The following HEATR9 variants were observed in gnomAD, a reference collection of about 807,000 sequenced individuals.
HEATR9 encodes protein HEATR9.
In HEATR9, 54 loss-of-function variants were observed where a neutral mutation model predicts 68.2. The observed-to-expected ratio is 0.79, with a 90% confidence interval of 0.64 to 0.99. HEATR9 has a LOEUF of 0.99. Ranked by LOEUF, HEATR9 falls within the 50% of genes least tolerant of loss-of-function variation. The pLI is 0.00. For missense variants in HEATR9, 662 were observed against 679.7 expected (o/e 0.97, Z 0.29); for synonymous variants, 241 against 253.5 (o/e 0.95, Z 0.47).
rs1229021981 is a variant in HEATR9, at chr17:35,858,817, G to A, written c.939+71C>T. Reference sequence around the variant, plus strand: ...GCAGTGCTCCACCACCAGGATGGCAGGATCCAGACCACACACAATTCAGCA... The same window carrying A: ...GCAGTGCTCCACCACCAGGATGGCAAGATCCAGACCACACACAATTCAGCA... On this transcript the variant is annotated intron_variant, in intron 9 of 14. Coordinates refer to ENST00000604834, the MANE Select transcript of HEATR9 (RefSeq NM_152781.4). 6 of 1,537,326 alleles carry A rather than the reference G, an allele frequency of 3.9e-6. No homozygotes were observed. In the Admixed American group the frequency reaches 8.7e-5, roughly 22 times the overall value.
At chr17:35,855,434 T>G (rs918148167) in intron 14 of HEATR9, 24 bp from the exon 15 acceptor site, 1 of 1,596,158 alleles carries the variant, frequency 6.3e-7, no homozygotes, top group Non-Finnish European at 8.6e-7. Flanking sequence ...AAGGTCCTAG[T>G]GCTGGCTCAC....
chr17:35,860,570 A>G (rs1340273203), intron 8 of HEATR9, among the ~76,000 whole-genome samples: 1 of 147,920 alleles, frequency 6.8e-6, no homozygotes, highest in Non-Finnish European at 1.5e-5. Context: ...GCTCACTGCA[A>G]GCTCCGTCTC....
intron 4 of HEATR9, 22 bp downstream of exon 4, chr17:35,864,736 T>C (rs1315635607): frequency 6.2e-7 from 1 of 1,613,526 alleles, no homozygotes; most frequent in Non-Finnish European, 8.5e-7. Context: ...GTCCCCCACG[T>C]CCTCTCCCAC....
intron 8 of HEATR9, among the ~76,000 whole-genome samples, chr17:35,860,594 A>G (rs937743080): frequency 6.7e-6 from 1 of 148,470 alleles, no homozygotes; most frequent in African/African-American, 2.5e-5. Context: ...GTTTCACGCC[A>G]TTCTCCTGCC....
rs978729646 is a variant in HEATR9, at chr17:35,865,403, G to T, written c.139-7C>A. On this transcript the variant is annotated splice_polypyrimidine_tract_variant and splice_region_variant and intron_variant, in intron 2 of 14. Coordinates refer to ENST00000604834, the MANE Select transcript of HEATR9 (RefSeq NM_152781.4). The stretch of plus-strand genomic sequence containing the variant: ...GAAACTCTTCCTTTGGCATCTGGGG[G>T]TTGCAAGTGGCAGAACAGTCAGAGG... 1 of 1,611,606 alleles carries T rather than the reference G, an allele frequency of 6.2e-7. No individual in the cohort carries two copies. The highest frequency in any genetic ancestry group is 1.9e-4 in the Middle Eastern group (1 of 5,168).
chr17:35,859,261 A>G (rs559633953), intron 8 of HEATR9, among the ~76,000 whole-genome samples, 191 bp from the exon 9 acceptor site: 1 of 152,278 alleles, frequency 6.6e-6, no homozygotes, highest in East Asian at 1.9e-4. Flanking sequence ...TATCTCATGG[A>G]TGGATCACTG....
chr17:35,865,375 G>A lies in HEATR9; in HGVS notation c.160C>T (p.Pro54Ser), dbSNP rs745335420. ...CYQMPKEEFPPSPECWRQHPS... is the reference protein window; with the variant it reads ...CYQMPKEEFPSSPECWRQHPS... ...TGCTGCCTCCAGCACTCTGGACTTG[G>A]GGGAAACTCTTCCTTTGGCATCTGG... The change falls in exon 3 of 15, where the codon CCA becomes TCA. Residue 54 changes from proline to serine, a missense_variant. Pro to Ser is a moderately conservative substitution (Grantham distance 74). Transcript: ENST00000604834. 1 of 1,613,536 alleles carries A rather than the reference G, an allele frequency of 6.2e-7. No homozygotes were observed. The highest frequency in any genetic ancestry group is 8.5e-7 in the Non-Finnish European group (1 of 1,179,954).
At chr17:35,855,587 A>G (rs2143867953) in intron 14 of HEATR9, 77 bp downstream of exon 14, 1 of 1,433,380 alleles carries the variant, frequency 7.0e-7, no homozygotes, top group Non-Finnish European at 9.8e-7. Context: ...CAAGGAGCAA[A>G]TGGTGGTGAG....
intron 1 of HEATR9, among the ~76,000 whole-genome samples, chr17:35,867,943 G>T (rs1055747973): frequency 6.6e-6 from 1 of 152,076 alleles, no homozygotes; most frequent in African/African-American, 2.4e-5. Context: ...ACCACACCCA[G>T]CTAATTTTTG....
rs2088289650 is a variant in HEATR9 at position 35,868,515 on chromosome 17, C to T, written c.88+140G>A. 4.1e-6 allele frequency: 6 copies of T among 1,451,586 alleles called. No homozygotes were observed. The South Asian group carries it at 8.5e-5, about 20-fold the overall frequency. 89.9% of individuals were successfully genotyped at this position (1,451,586 alleles called of 1,614,324 possible). ...GACCTTGAGGACTGTGCAGAGCCAT[C>T]AAAGTGTCCAAGGGCCTGCCCTGAT... On this transcript the variant is annotated intron_variant, in intron 1 of 14. Coordinates refer to ENST00000604834, the MANE Select transcript of HEATR9 (RefSeq NM_152781.4).
At chr17:35,856,325 GATGCTAATTTC>G in intron 12 of HEATR9, 101 bp from the exon 13 acceptor site, 1 of 1,613,276 alleles carries the variant, frequency 6.2e-7, no homozygotes, top group Non-Finnish European at 8.5e-7. Flanking sequence ...TAGGCAAAGT[GATGCTAATTTC>G]ATTCATTTCC....
chr17:35,862,142 G>A (rs561932040), intron 8 of HEATR9, among the ~76,000 whole-genome samples: 3 of 152,090 alleles, frequency 2.0e-5, no homozygotes, highest in Non-Finnish European at 2.9e-5. Flanking sequence ...GCCTCTCAAC[G>A]TGCTGGGATT....
intron 3 of HEATR9, 31 bp downstream of exon 3, chr17:35,865,184 T>G: frequency 1.3e-6 from 2 of 1,599,032 alleles, no homozygotes; most frequent in Non-Finnish European, 8.5e-7. Context: ...ATGTGGAGGG[T>G]GAGAAGAATA....
chr17:35,861,529 A>G (rs2087993005), intron 8 of HEATR9: 2 of 914,214 alleles, frequency 2.2e-6, no homozygotes, highest in Non-Finnish European at 1.8e-6. Context: ...GCTGGGGTAG[A>G]TGGGCCTCGA....
chr17:35,864,601 G>T lies in HEATR9; in HGVS notation c.454-48C>A, dbSNP rs145185245. 1,000 of 1,595,336 alleles carry T rather than the reference G, an allele frequency of 6.3e-4. 25 individuals carry two copies. In the East Asian group the frequency reaches 0.02, roughly 32 times the overall value. ...GGAAAGGAAGACAGAGAAAAATAAA[G>T]AATTTCAAACTAAAGGGAGCTCATC... On this transcript the variant is annotated intron_variant, in intron 4 of 14. Coordinates refer to ENST00000604834, the MANE Select transcript of HEATR9 (RefSeq NM_152781.4).
At chr17:35,863,186 A>T (rs2088060279) in intron 7 of HEATR9, 61 bp from the exon 8 acceptor site, 12 of 1,603,412 alleles carry the variant, frequency 7.5e-6, no homozygotes, top group Non-Finnish European at 1.0e-5. Context: ...CTCTGCAAGG[A>T]CCCATTGAAC....
chr17:35,863,763 C>A (rs2088089086), intron 6 of HEATR9: 2 of 622,966 alleles, frequency 3.2e-6, no homozygotes, highest in South Asian at 4.0e-5. Flanking sequence ...TTGTTCAAAT[C>A]TCTATCTGGT....
intron 6 of HEATR9, 192 bp downstream of exon 6, chr17:35,864,054 T>C (rs2088103283): frequency 1.7e-6 from 1 of 590,150 alleles, no homozygotes; most frequent in Non-Finnish European, 3.0e-6. Context: ...CTTCCTTCCC[T>C]ATCTTTTAGA....
chr17:35,863,424 C>T, intron 7 of HEATR9, 78 bp downstream of exon 7: 1 of 1,441,806 alleles, frequency 6.9e-7, no homozygotes, highest in South Asian at 1.1e-5. Context: ...GTGTATGCTC[C>T]TCACCCATTT....
Sources: gnomAD v4.1 joint callset for allele counts (sites outside exome capture counted in the v4.1 genomes callset) on GRCh38, gnomAD v4.1.1 for gene constraint, MANE v1.5 for transcripts, NCBI Gene and HGNC (gene_info 2026-07-23, HGNC 2026-07-21) for gene names.